Variants in UNC80 observed in about 807,000 individuals in gnomAD.
The protein encoded by UNC80 is unc-80 subunit of NALCN channel complex, also known as protein unc-80 homolog.
A neutral mutation model predicts 384.6 loss-of-function variants in UNC80; 164 were observed. The observed-to-expected ratio is 0.43, with a 90% CI of 0.38 to 0.49. The LOEUF is 0.49. UNC80 is among the 20% of genes least tolerant of loss of function. UNC80 has a pLI of 0.00. For synonymous variants in UNC80, 1,486 were observed against 1,527.8 expected, an observed-to-expected ratio of 0.97 and a Z score of 0.64; for missense variants, 3,330 against 4,143.0, an observed-to-expected ratio of 0.80 and a Z score of 5.39.
At position 209,834,983 on chromosome 2, in the gene UNC80, C is replaced by A. The variant is rs997541691; in HGVS notation, c.3014C>A (p.Ser1005Tyr). 4 of 1,550,886 alleles carry A rather than the reference C, an allele frequency of 2.6e-6. No individual in the cohort carries two copies. The African/African-American group carries it at 5.5e-5, about 21-fold the overall frequency. Residue 1005 changes from serine to tyrosine, a missense_variant, in exon 18 of 65, where the codon TCT (serine) becomes TAT (tyrosine). Ser to Tyr is a moderately radical substitution (Grantham distance 144). Coordinates refer to ENST00000673920, the MANE Select transcript of UNC80 (RefSeq NM_001371986.1). Reference sequence around the variant, plus strand: ...CCTGAGGAATGTCGCAGCTTCATGTCTGGTCGCCCCTCACAGACTCCAGAG... The same window carrying A: ...CCTGAGGAATGTCGCAGCTTCATGTATGGTCGCCCCTCACAGACTCCAGAG... Reference protein sequence around the residue: ...SAPEECRSFMSGRPSQTPEHD... With the variant: ...SAPEECRSFMYGRPSQTPEHD...
At chr2:209,949,609 C>T (rs1040372999) in intron 47 of UNC80, among the ~76,000 whole-genome samples, 15 of 152,134 alleles carry the variant, frequency 9.9e-5, no homozygotes, top group African/African-American at 3.6e-4. Flanking sequence ...TCCCGAGTAG[C>T]TGGGATTACA....
chr2:209,784,114 C>T (rs1473496659), intron 4 of UNC80, among the ~76,000 whole-genome samples: 4 of 152,174 alleles, frequency 2.6e-5, no homozygotes, highest in African/African-American at 9.7e-5. Context: ...TTTTCTCTCA[C>T]ACTCCACTTC....
intron 51 of UNC80, among the ~76,000 whole-genome samples, chr2:209,964,607 T>G (rs767752126): frequency 6.6e-6 from 1 of 152,064 alleles, no homozygotes; most frequent in East Asian, 1.9e-4. Flanking sequence ...GCCAACATAG[T>G]GAAACCCTCG....
At chr2:209,838,486 C>T (rs2081500757) in intron 18 of UNC80, among the ~76,000 whole-genome samples, 1 of 152,116 alleles carries the variant, frequency 6.6e-6, no homozygotes, top group Non-Finnish European at 1.5e-5. Flanking sequence ...CTTGCAAGCC[C>T]TACCTAAGTT....
Position 209,995,426 on chromosome 2 carries a change from C to T in UNC80, c.9806C>T (p.Pro3269Leu), listed in dbSNP as rs778403850. Reference protein sequence around the residue: ...HSPLSAQLSDPDDFTGLETSS... With the variant: ...HSPLSAQLSDLDDFTGLETSS... ...CCACTCTCTGCCCAACTCTCTGACC[C>T]TGATGACTTCACAGGCCTCGAGACA... The change falls in exon 65 of 65, where the codon CCT becomes CTT. Residue 3269 changes from proline to leucine, a missense_variant. Physicochemically the swap from Pro to Leu is moderately conservative, Grantham distance 98 (BLOSUM62 -3). Around this residue, in one of 8 missense-constraint regions of UNC80, gnomAD observed 236 missense variants for 254.9 expected, o/e 0.93. Transcript: ENST00000673920. The T allele has an allele frequency of 4.5e-6, 7 of 1,551,962 alleles. No homozygotes were observed. The highest frequency in any genetic ancestry group is 3.6e-5 in the South Asian group (3 of 84,064).
At position 209,872,803 on chromosome 2, in the gene UNC80, C is replaced by G. The variant is rs1381846226; in HGVS notation, c.3673C>G (p.Arg1225Gly). Reference protein sequence around the residue: ...ARAALFLECARFVHRCNRGNW... With the variant: ...ARAALFLECAGFVHRCNRGNW... Reference sequence around the variant, plus strand: ...AGCAGCCTTGTTCCTGGAATGTGCTCGTTTTGTTCACCGCTGCAACCGTGG... The same window carrying G: ...AGCAGCCTTGTTCCTGGAATGTGCTGGTTTTGTTCACCGCTGCAACCGTGG... The change falls in exon 23 of 65, where the codon CGT (arginine) becomes GGT (glycine). Residue 1225 changes from arginine to glycine, a missense_variant. Around this residue, in one of 8 missense-constraint regions of UNC80, gnomAD observed 801 missense variants for 950.8 expected, o/e 0.84. Transcript: ENST00000673920. This position sits in a 1 kb window ranked among gnomAD's most constrained non-coding sequence, Gnocchi z 4.1. 2 of 1,551,440 alleles carry G rather than the reference C, an allele frequency of 1.3e-6. No homozygotes were observed. The highest frequency in any genetic ancestry group is 1.7e-6 in the Non-Finnish European group (2 of 1,146,822).
In UNC80 at chr2:209,839,242, CCAACTT is replaced by C; in HGVS notation, c.3063_3068del (p.Asn1022_Leu1023del). 6.4e-7 allele frequency: 1 copy of C among 1,551,508 alleles called. No individual in the cohort carries two copies. Among genetic ancestry groups the C allele is most frequent in the South Asian group, 1.2e-5 (1 of 84,046 alleles). ...TACAGCGATGAACAAATGCAAGGAGCCAACTTGGGGCGGAAAGATTTCTGGCGTAAG... is the reference window on the plus strand; with the variant it reads ...TACAGCGATGAACAAATGCAAGGAGCGGGGCGGAAAGATTTCTGGCGTAAG... On this transcript the variant is annotated inframe_deletion, in exon 19 of 65. Transcript: ENST00000673920. The surrounding 1 kb of genome is among the most constrained non-coding windows in gnomAD (Gnocchi z 4.1).
At chr2:209,844,737 G>A (rs2082054472) in intron 21 of UNC80, among the ~76,000 whole-genome samples, 1 of 151,432 alleles carries the variant, frequency 6.6e-6, no homozygotes, top group Non-Finnish European at 1.5e-5. Flanking sequence ...TTATGGACAT[G>A]CACCACCATG....
At chr2:209,972,356 ATTG>A (rs771389664) in intron 55 of UNC80, 32 bp downstream of exon 55, 155 of 1,546,680 alleles carry the variant, frequency 1.0e-4, no homozygotes, top group Non-Finnish European at 1.2e-4. Context: ...GAAATTTATC[ATTG>A]TTGTTGTGTT....
Position 209,945,112 on chromosome 2 carries a change from A to T in UNC80, c.7112A>T (p.Gln2371Leu), listed in dbSNP as rs776052035. 7.1e-6 allele frequency: 11 copies of T among 1,551,554 alleles called. No individual in the cohort carries two copies. Among genetic ancestry groups the T allele is most frequent in the South Asian group, 1.2e-5 (1 of 84,042 alleles). ...VSAQCLFDLL[Q>L]SLEGETTDIL... ...GCTCAGTGCCTGTTTGACTTGCTGC[A>T]GTCCCTAGAGGGAGAGACCACCGAC... is the stretch of plus-strand genomic sequence containing the variant. Residue 2371 changes from glutamine (Q) to leucine (L), a missense_variant, in exon 46 of 65, where the codon CAG (glutamine) becomes CTG (leucine). Transcript: ENST00000673920.
intron 51 of UNC80, among the ~76,000 whole-genome samples, chr2:209,965,209 G>A (rs1368144168): frequency 6.6e-6 from 1 of 152,076 alleles, no homozygotes; most frequent in Admixed American, 6.6e-5. Context: ...GGCTGAGGCA[G>A]GCAGATTGCT....
In UNC80 at chr2:209,949,633, A is replaced by G. The variant is rs187117776; in HGVS notation, c.7286+3690A>G. 3.9e-3 allele frequency among the ~76,000 whole-genome samples: 592 copies of G among 152,022 alleles called. 6 individuals carry two copies. The highest frequency in any genetic ancestry group is 0.013 in the African/African-American group (556 of 41,440). ...GCTGGGATTACAGGCACCCGCCACC[A>G]CACCCAGCTAATTTTTGTATTTTTA... On this transcript the variant is annotated intron_variant, in intron 47 of 64. Transcript: ENST00000673920.
intron 16 of UNC80, 144 bp downstream of exon 16, chr2:209,831,735 A>G (rs2080984997): frequency 1.0e-6 from 1 of 969,290 alleles, no homozygotes; most frequent in Non-Finnish European, 1.4e-6. Context: ...CGGTGTCACC[A>G]GTAAGTCATA....
At position 209,918,607 on chromosome 2, in the gene UNC80, C is replaced by T; in HGVS notation, c.5287C>T (p.Pro1763Ser). The T allele has an allele frequency of 6.4e-7, 1 of 1,552,066 alleles. No individual in the cohort carries two copies. Among genetic ancestry groups the T allele is most frequent in the South Asian group, 1.2e-5 (1 of 84,048 alleles). ...GMPSVPMFDP[P>S]WVPQCSGSVQ... is the part of the protein sequence containing the mutation. The stretch of plus-strand genomic sequence containing the variant: ...GCCATCCGTCCCAATGTTTGACCCA[C>T]CGTGGGTTCCTCAGTGCAGCGGGAG... The change falls in exon 33 of 65, where the codon CCG (proline) becomes TCG (serine). Residue 1763 changes from proline (P) to serine (S), a missense_variant. Pro to Ser is a moderately conservative substitution (Grantham distance 74). Transcript: ENST00000673920.
rs1398140582 is a variant in UNC80, at chr2:209,922,301, C to T, written c.5580C>T (p.Ser1860=). 2 of 1,552,078 alleles carry T rather than the reference C, an allele frequency of 1.3e-6. No individual in the cohort carries two copies. Among genetic ancestry groups the T allele is most frequent in the Non-Finnish European group, 1.7e-6 (2 of 1,147,094 alleles). Residue 1860 remains serine, a synonymous_variant, in exon 35 of 65, where the codon TCC becomes TCT. Coordinates refer to ENST00000673920, the MANE Select transcript of UNC80 (RefSeq NM_001371986.1). ...LASRRLSVSP[S]CTSSTSHRNY... ...CCCGTCGACTGTCTGTGAGTCCATCCTGCACCTCCAGCACTTCCCACAGGA... is the reference window on the plus strand; with the variant it reads ...CCCGTCGACTGTCTGTGAGTCCATCTTGCACCTCCAGCACTTCCCACAGGA...
intron 54 of UNC80, 34 bp from the exon 55 acceptor site, chr2:209,972,167 T>C: frequency 6.5e-7 from 1 of 1,545,106 alleles, no homozygotes. Context: ...GGTGTGGTGG[T>C]CAATTAATCT....
chr2:209,983,402 G>A (rs533585383), intron 60 of UNC80, among the ~76,000 whole-genome samples: 43 of 152,194 alleles, frequency 2.8e-4, no homozygotes, highest in African/African-American at 9.9e-4. Context: ...TAATTATTAC[G>A]AAGATTAATA....
At chr2:209,913,985 T>C (rs2089241832) in intron 31 of UNC80, 45 bp downstream of exon 31, 2 of 1,503,338 alleles carry the variant, frequency 1.3e-6, no homozygotes, top group East Asian at 2.5e-5. Flanking sequence ...GCCACTGCTG[T>C]TACTGATCCA....
intron 22 of UNC80, among the ~76,000 whole-genome samples, chr2:209,853,567 A>G (rs1040868011): frequency 1.3e-5 from 2 of 152,044 alleles, no homozygotes; most frequent in African/African-American, 4.8e-5. Context: ...ACTGTAAGGC[A>G]TTTTTTAAAA....
Sources: gnomAD v4.1 joint callset for allele counts (sites outside exome capture counted in the v4.1 genomes callset) on GRCh38, gnomAD v4.1.1 for gene constraint, gnomAD v4.1.1 regional missense constraint, Gnocchi (gnomAD v3.1) non-coding constraint, MANE v1.5 for transcripts, NCBI Gene and HGNC (gene_info 2026-07-23, HGNC 2026-07-21) for gene names.